The following ARHGAP10 variants were observed in gnomAD, a reference collection of about 807,000 sequenced individuals.
The protein encoded by ARHGAP10 is rho GTPase-activating protein 10.
Under a neutral mutation model 108.6 loss-of-function variants are expected in ARHGAP10, and 87 were observed. The observed-to-expected ratio is 0.80, with a 90% CI of 0.67 to 0.96. The LOEUF (loss-of-function observed/expected upper bound fraction) is 0.96. ARHGAP10 is among the 40% of genes least tolerant of loss of function. The probability of loss-of-function intolerance (pLI) is 0.00; values close to 1 mark genes in which losing one functional copy is unlikely to be tolerated. For missense variants in ARHGAP10, 939 were observed against 954.5 expected, an observed-to-expected ratio of 0.98 and a Z score of 0.21; for synonymous variants, 347 against 341.1, an observed-to-expected ratio of 1.02 and a Z score of -0.19.
At chr4:147,788,848 T>C (rs1731001508) in intron 1 of ARHGAP10, among the ~76,000 whole-genome samples, 1 of 152,234 alleles carries the variant, frequency 6.6e-6, no homozygotes, top group African/African-American at 2.4e-5. Context: ...CATTCATGCT[T>C]TATTAAGCTA....
chr4:147,911,538 A>G (rs1003939288), intron 12 of ARHGAP10, among the ~76,000 whole-genome samples: 29 of 152,074 alleles, frequency 1.9e-4, no homozygotes, highest in Non-Finnish European at 2.8e-4. Context: ...AATTTATTGT[A>G]TTTTTAGTAG....
At chr4:147,996,103 T>C (rs1037418434) in intron 18 of ARHGAP10, among the ~76,000 whole-genome samples, 5 of 152,168 alleles carry the variant, frequency 3.3e-5, no homozygotes, top group Non-Finnish European at 7.3e-5. Context: ...TAGAAGTAGG[T>C]GCAGGAGATG....
intron 10 of ARHGAP10, among the ~76,000 whole-genome samples, chr4:147,893,825 C>T (rs938597873): frequency 1.3e-5 from 2 of 151,848 alleles, no homozygotes; most frequent in Admixed American, 1.3e-4. Flanking sequence ...ACTGATAGAA[C>T]ATGGAGTGGG....
chr4:147,836,997 G>A (rs775911475), intron 3 of ARHGAP10, among the ~76,000 whole-genome samples: 6 of 152,138 alleles, frequency 3.9e-5, no homozygotes, highest in Non-Finnish European at 4.4e-5. Flanking sequence ...CTATTTTTCC[G>A]TGCTGGAGGG....
At chr4:147,984,006 G>A (rs1739930866) in intron 18 of ARHGAP10, among the ~76,000 whole-genome samples, 1 of 152,112 alleles carries the variant, frequency 6.6e-6, no homozygotes, top group African/African-American at 2.4e-5. Flanking sequence ...GGCTGTTACT[G>A]TGGTGTATAT....
chr4:147,983,341 A>G (rs755340766), intron 18 of ARHGAP10, among the ~76,000 whole-genome samples: 4 of 150,856 alleles, frequency 2.7e-5, no homozygotes, highest in Non-Finnish European at 5.9e-5. Context: ...GCCCGCCACC[A>G]CGCCCAGCTA....
chr4:147,921,700 TC>T (rs1248028885), intron 13 of ARHGAP10, among the ~76,000 whole-genome samples: 2 of 151,890 alleles, frequency 1.3e-5, no homozygotes, highest in African/African-American at 2.4e-5. Flanking sequence ...TTTAGGTGAA[TC>T]CCAGACAGAC....
At chr4:147,955,967 T>C (rs1343016346) in intron 16 of ARHGAP10, among the ~76,000 whole-genome samples, 1 of 152,168 alleles carries the variant, frequency 6.6e-6, no homozygotes, top group Non-Finnish European at 1.5e-5. Context: ...CATACTCATT[T>C]GAGGCTTTGT....
intron 15 of ARHGAP10, among the ~76,000 whole-genome samples, chr4:147,948,558 C>G (rs919126384): frequency 2.0e-5 from 3 of 152,146 alleles, no homozygotes; most frequent in African/African-American, 7.2e-5. Flanking sequence ...TTGATTATAT[C>G]TTCATGATAA....
At chr4:147,830,701 G>A (rs191256162) in intron 3 of ARHGAP10, among the ~76,000 whole-genome samples, 63 of 152,086 alleles carry the variant, frequency 4.1e-4, no homozygotes, top group African/African-American at 1.3e-3. Flanking sequence ...TGTATTTTTA[G>A]TAGAGACGGG....
intron 1 of ARHGAP10, among the ~76,000 whole-genome samples, chr4:147,749,076 A>G (rs1010125640): frequency 2.0e-5 from 3 of 152,264 alleles, no homozygotes; most frequent in African/African-American, 7.2e-5. Flanking sequence ...AATGAGGACT[A>G]TATGAAAACA....
intron 3 of ARHGAP10, among the ~76,000 whole-genome samples, chr4:147,830,245 G>T (rs996916370): frequency 1.3e-5 from 2 of 152,144 alleles, no homozygotes; most frequent in African/African-American, 2.4e-5. Context: ...CTGACCTTTT[G>T]CCCCTATAGG....
At chr4:147,870,471 T>C (rs912674822) in intron 7 of ARHGAP10, among the ~76,000 whole-genome samples, 2 of 152,174 alleles carry the variant, frequency 1.3e-5, no homozygotes, top group Non-Finnish European at 2.9e-5. Flanking sequence ...AAAGCAAAAC[T>C]TTATAATCAG....
chr4:147,749,062 A>C (rs1197955188), intron 1 of ARHGAP10, among the ~76,000 whole-genome samples: 1 of 152,232 alleles, frequency 6.6e-6, no homozygotes, highest in African/African-American at 2.4e-5. Flanking sequence ...CACATGGCAA[A>C]ACAAATGAGG....
intron 1 of ARHGAP10, among the ~76,000 whole-genome samples, chr4:147,818,662 A>T (rs767234527): frequency 3.9e-5 from 6 of 152,262 alleles, no homozygotes; most frequent in East Asian, 1.9e-4. Flanking sequence ...TTTGTAACTA[A>T]CTTAGTCAGA....
At chr4:148,049,244 T>C (rs1217846550) in intron 20 of ARHGAP10, among the ~76,000 whole-genome samples, 5 of 152,140 alleles carry the variant, frequency 3.3e-5, no homozygotes, top group Admixed American at 2.6e-4. Flanking sequence ...CTGAGGATTC[T>C]GTAGGTCCGA....
At chr4:147,770,036 C>T (rs1730008637) in intron 1 of ARHGAP10, among the ~76,000 whole-genome samples, 1 of 152,210 alleles carries the variant, frequency 6.6e-6, no homozygotes, top group Non-Finnish European at 1.5e-5. Flanking sequence ...TTTTCTGGGG[C>T]TGTCATCTTT....
Position 147,879,236 on chromosome 4 carries a change from T to C in ARHGAP10, c.837T>C (p.Pro279=), listed in dbSNP as rs749768629. Residue 279 remains proline (P), a synonymous_variant, in exon 9 of 23, where the codon CCT becomes CCC. Coordinates refer to ENST00000336498, the MANE Select transcript of ARHGAP10 (RefSeq NM_024605.4). The part of the protein sequence containing the change: ...EGYLYVQEKR[P]APFGSSWVKH... ...AGGGCTGTTTTTTTGTTGAAGGGCC[T>C]GCTCCGTTTGGTTCCAGTTGGGTCA... 1.1e-5 allele frequency: 18 copies of C among 1,611,804 alleles called. No homozygotes were observed.
chr4:147,998,269 T>C (rs1740557924), intron 18 of ARHGAP10, among the ~76,000 whole-genome samples: 1 of 152,076 alleles, frequency 6.6e-6, no homozygotes, highest in Non-Finnish European at 1.5e-5. Flanking sequence ...TAAAAACAAA[T>C]ACAGAAATAA....
Sources: allele counts gnomAD v4.1 joint callset (sites outside exome capture counted in the v4.1 genomes callset), GRCh38; gene constraint gnomAD v4.1.1; transcripts MANE v1.5; gene names NCBI Gene and HGNC (gene_info 2026-07-23, HGNC 2026-07-21).